NDUFS4: variants seen among roughly 807,000 people sequenced by gnomAD.
NDUFS4 encodes the protein NADH:ubiquinone oxidoreductase subunit S4.
In NDUFS4, 28 loss-of-function variants were observed where a neutral mutation model predicts 24.3. The observed-to-expected ratio is 1.15, with a 90% CI of 0.85 to 1.58. NDUFS4 has a LOEUF of 1.58. Ranked by LOEUF, NDUFS4 falls within the 40% of genes most tolerant of loss-of-function variation. The pLI, the probability that NDUFS4 is intolerant of heterozygous loss-of-function variation, is 0.00. For synonymous variants in NDUFS4, 93 were observed against 69.7 expected (o/e 1.34, Z -1.67); for missense variants, 223 against 207.9 (o/e 1.07, Z -0.45).
Position 53,665,702 on chromosome 5 carries a change from C to T in NDUFS4, c.424+7078C>T, listed in dbSNP as rs967630203. On this transcript the variant is annotated intron_variant, in intron 4 of 4. Coordinates refer to ENST00000296684, the MANE Select transcript of NDUFS4 (RefSeq NM_002495.4). ...GCACAGTATTAGGGTGGGAGTGACC[C>T]GATTTTCCAGGTGCCATCTGTCACC... 2.0e-5 allele frequency among the ~76,000 whole-genome samples: 3 copies of T among 152,264 alleles called. No homozygotes were observed. The East Asian group carries it at 5.8e-4, about 29-fold the overall frequency.
chr5:53,606,186 A>G (rs1359327417), intron 2 of NDUFS4, among the ~76,000 whole-genome samples: 1 of 152,102 alleles, frequency 6.6e-6, no homozygotes, highest in Non-Finnish European at 1.5e-5. Flanking sequence ...TCTGTCTCAA[A>G]AAACAAAACA....
chr5:53,572,315 C>A (rs546240075), intron 1 of NDUFS4, among the ~76,000 whole-genome samples: 43 of 152,158 alleles, frequency 2.8e-4, no homozygotes, highest in African/African-American at 1.0e-3. Flanking sequence ...GTTAGATAAT[C>A]CTAGATTTTA....
chr5:53,641,715 T>A (rs1472412876), intron 2 of NDUFS4, among the ~76,000 whole-genome samples: 1 of 152,170 alleles, frequency 6.6e-6, no homozygotes, highest in East Asian at 1.9e-4. Flanking sequence ...TTTTTTAAAC[T>A]GTAAAATTTA....
intron 2 of NDUFS4, chr5:53,604,865 A>G (rs1159688157): frequency 8.8e-6 from 4 of 456,166 alleles, no homozygotes; most frequent in Admixed American, 2.3e-5. Context: ...TGAGGACTTC[A>G]TCCGGTCACC....
At chr5:53,617,795 A>ATCCCAT (rs1750891834) in intron 2 of NDUFS4, among the ~76,000 whole-genome samples, 1 of 152,206 alleles carries the variant, frequency 6.6e-6, no homozygotes, top group African/African-American at 2.4e-5. Flanking sequence ...TGTTCACTCT[A>ATCCCAT]GTGAGATACA....
chr5:53,645,466 T>C, intron 2 of NDUFS4, among the ~76,000 whole-genome samples: 1 of 152,198 alleles, frequency 6.6e-6, no homozygotes, highest in East Asian at 1.9e-4. Context: ...TATGTTTTGA[T>C]AAATGTATCT....
intron 4 of NDUFS4, among the ~76,000 whole-genome samples, chr5:53,675,734 TAG>T (rs757982217): frequency 2.0e-4 from 31 of 152,274 alleles, no homozygotes; most frequent in Admixed American, 6.5e-4. Flanking sequence ...TCTCACCCAA[TAG>T]AGAATAGACC....
chr5:53,650,683 A>G (rs1342165300), intron 3 of NDUFS4, among the ~76,000 whole-genome samples: 1 of 152,198 alleles, frequency 6.6e-6, no homozygotes, highest in African/African-American at 2.4e-5. Context: ...GTTATGTCCT[A>G]CTTCAGGGGA....
intron 1 of NDUFS4, among the ~76,000 whole-genome samples, chr5:53,564,309 A>G (rs1748951365): frequency 6.6e-6 from 1 of 152,178 alleles, no homozygotes; most frequent in African/African-American, 2.4e-5. Flanking sequence ...CAAATTTAGG[A>G]CACTTAAGAC....
At chr5:53,573,184 AG>A (rs1343958651) in intron 1 of NDUFS4, among the ~76,000 whole-genome samples, 2 of 151,802 alleles carry the variant, frequency 1.3e-5, no homozygotes, top group Non-Finnish European at 2.9e-5. Context: ...TGTGTTGCCC[AG>A]GCTGGTCTTG....
At chr5:53,676,590 T>C (rs547131408) in intron 4 of NDUFS4, among the ~76,000 whole-genome samples, 2 of 152,276 alleles carry the variant, frequency 1.3e-5, no homozygotes, top group South Asian at 4.1e-4. Context: ...TGGGGACCAT[T>C]TTAAACAGTG....
intron 3 of NDUFS4, among the ~76,000 whole-genome samples, chr5:53,648,537 C>T (rs1162401616): frequency 6.6e-6 from 1 of 152,178 alleles, no homozygotes; most frequent in Non-Finnish European, 1.5e-5. Flanking sequence ...TCAGATTTCC[C>T]AATGCACCTT....
At chr5:53,574,958 C>G (rs1749335411) in intron 1 of NDUFS4, among the ~76,000 whole-genome samples, 1 of 152,170 alleles carries the variant, frequency 6.6e-6, no homozygotes, top group African/African-American at 2.4e-5. Context: ...CCCACCTTTT[C>G]AGAACCACAG....
At chr5:53,563,477 G>C (rs927615521) in intron 1 of NDUFS4, among the ~76,000 whole-genome samples, 1 of 150,504 alleles carries the variant, frequency 6.6e-6, no homozygotes, top group African/African-American at 2.4e-5. Flanking sequence ...ATGTGAGGAG[G>C]CAAAAAAAGG....
At chr5:53,593,413 C>T (rs540194343) in intron 1 of NDUFS4, among the ~76,000 whole-genome samples, 1 of 151,042 alleles carries the variant, frequency 6.6e-6, no homozygotes, top group South Asian at 2.1e-4. Context: ...GTCTCTCTCT[C>T]TCTCTCTCTC....
chr5:53,584,838 G>A (rs1749691845), intron 1 of NDUFS4, among the ~76,000 whole-genome samples: 1 of 151,916 alleles, frequency 6.6e-6, no homozygotes. Context: ...CGGGATCTCA[G>A]CTCACTGCAT....
intron 1 of NDUFS4, among the ~76,000 whole-genome samples, chr5:53,589,937 G>T (rs1045889692): frequency 2.6e-5 from 4 of 152,128 alleles, no homozygotes; most frequent in African/African-American, 9.7e-5. Flanking sequence ...CTTGCAGATG[G>T]CTTATTGTGG....
chr5:53,679,461 G>A (rs1740582152), intron 4 of NDUFS4, among the ~76,000 whole-genome samples: 3 of 152,052 alleles, frequency 2.0e-5, no homozygotes, highest in Admixed American at 1.3e-4. Flanking sequence ...ACAATTCCCA[G>A]GAGCCAGCTC....
intron 4 of NDUFS4, among the ~76,000 whole-genome samples, chr5:53,682,641 AT>A (rs1740704807): frequency 6.6e-6 from 1 of 152,070 alleles, no homozygotes; most frequent in African/African-American, 2.4e-5. Context: ...TAGTACACAC[AT>A]GCACCCATAC....
Sources: gnomAD v4.1 joint callset for allele counts (sites outside exome capture counted in the v4.1 genomes callset) on GRCh38, gnomAD v4.1.1 for gene constraint, MANE v1.5 for transcripts, NCBI Gene and HGNC (gene_info 2026-07-23, HGNC 2026-07-21) for gene names.